ABCC4: variants seen among roughly 807,000 people sequenced by gnomAD.
ABCC4 encodes ATP binding cassette subfamily C member 4 (PEL blood group).
A neutral mutation model predicts 168.5 loss-of-function variants in ABCC4; 102 were observed. The ratio of observed to expected loss-of-function variants is 0.61; its 90% CI spans 0.52 to 0.71. ABCC4 has a LOEUF of 0.71. Ranked by LOEUF, ABCC4 falls within the 30% of genes least tolerant of loss-of-function variation. The pLI, the probability that ABCC4 is intolerant of heterozygous loss-of-function variation, is 0.00. For synonymous variants in ABCC4, 617 were observed against 590.7 expected, an observed-to-expected ratio of 1.04 and a Z score of -0.65; for missense variants, 1,402 against 1,605.8, an observed-to-expected ratio of 0.87 and a Z score of 2.17.
chr13:95,033,427 C>T (rs1021143066), intron 30 of ABCC4, among the ~76,000 whole-genome samples: 1 of 152,174 alleles, frequency 6.6e-6, no homozygotes, highest in Non-Finnish European at 1.5e-5. Flanking sequence ...ATACAACTCT[C>T]ACCTCACAGA....
At position 95,301,232 on chromosome 13, in the gene ABCC4, G is replaced by T; in HGVS notation, c.74+9C>A. 6.3e-7 allele frequency: 1 copy of T among 1,582,102 alleles called. No homozygotes were observed. Among genetic ancestry groups the T allele is most frequent in the Non-Finnish European group, 8.6e-7 (1 of 1,165,336 alleles). ...TGCAGGGTGACCTGTTTCGGGCGGGGACACTCACCAGAAGAACACGCGTGA... is the reference window on the plus strand; with the variant it reads ...TGCAGGGTGACCTGTTTCGGGCGGGTACACTCACCAGAAGAACACGCGTGA... On this transcript the variant is annotated intron_variant, in intron 1 of 30. Transcript: ENST00000645237.
chr13:95,188,474 G>A lies in ABCC4; in HGVS notation c.1332C>T (p.Val444=), dbSNP rs371587601. The part of the protein sequence containing the change: ...TVRPGELLAV[V]GPVGAGKSSL... ...TCACCTTCCCTGCTCCCACGGGGCC[G>A]ACCACAGCTAACAATTCGCCAGGTC... The change falls in exon 10 of 31, where the codon GTC becomes GTT. Residue 444 remains valine (V), a synonymous_variant. Coordinates refer to ENST00000645237, the MANE Select transcript of ABCC4 (RefSeq NM_005845.5). 5.9e-5 allele frequency: 95 copies of A among 1,613,952 alleles called. No homozygotes were observed. The highest frequency in any genetic ancestry group is 7.8e-5 in the Non-Finnish European group (92 of 1,180,000).
At chr13:95,043,632 A>G in intron 29 of ABCC4, 50 bp downstream of exon 29, 1 of 1,463,456 alleles carries the variant, frequency 6.8e-7, no homozygotes, top group Non-Finnish European at 9.5e-7. Context: ...ATAAACTGAA[A>G]AAGTGAACAT....
chr13:95,110,893 G>A (rs1467663630), intron 20 of ABCC4, among the ~76,000 whole-genome samples: 3 of 151,302 alleles, frequency 2.0e-5, no homozygotes, highest in Non-Finnish European at 2.9e-5. Context: ...GCTTGAGCCC[G>A]GGAGGTGGAG....
chr13:95,147,813 C>A (rs2036548526), intron 19 of ABCC4, among the ~76,000 whole-genome samples: 1 of 152,178 alleles, frequency 6.6e-6, no homozygotes, highest in African/African-American at 2.4e-5. Context: ...CTGTACTCAA[C>A]TTCAGCTGTA....
intron 3 of ABCC4, among the ~76,000 whole-genome samples, chr13:95,240,126 A>T (rs1474821174): frequency 6.6e-6 from 1 of 152,222 alleles, no homozygotes; most frequent in Non-Finnish European, 1.5e-5. Context: ...CCAGATGGAC[A>T]TGTTAAATGA....
chr13:95,116,398 CA>C (rs1436488329), intron 19 of ABCC4, among the ~76,000 whole-genome samples: 1 of 152,122 alleles, frequency 6.6e-6, no homozygotes. Flanking sequence ...TTTGCTTTAT[CA>C]GAATTTCTTT....
rs1290124348 is a variant in ABCC4, at chr13:95,207,894, T to C, written c.817A>G (p.Ile273Val). The C allele has an allele frequency of 1.2e-6, 2 of 1,613,800 alleles. No individual in the cohort carries two copies. Among genetic ancestry groups the C allele is most frequent in the Non-Finnish European group, 1.7e-6 (2 of 1,179,970 alleles). ...GTTATAACTTCATTCATGGTCCTGA[T>C]CCTGGCATCCGTGAAAGTTGCAGTT... ...SKTATFTDAR[I>V]RTMNEVITGI... Residue 273 changes from isoleucine to valine, a missense_variant, in exon 7 of 31, where the codon ATC (isoleucine) becomes GTC (valine). This residue lies in a region of ABCC4 where 317 missense variants were observed against 345.5 expected (regional missense o/e 0.92). Transcript: ENST00000645237.
intron 19 of ABCC4, among the ~76,000 whole-genome samples, chr13:95,143,350 A>G (rs1038977474): frequency 3.9e-5 from 6 of 152,224 alleles, no homozygotes; most frequent in Non-Finnish European, 7.3e-5. Flanking sequence ...AACAATGATG[A>G]GTCCTATTAA....
intron 25 of ABCC4, among the ~76,000 whole-genome samples, chr13:95,064,873 T>A (rs1011358089): frequency 1.1e-4 from 16 of 152,214 alleles, no homozygotes; most frequent in African/African-American, 3.9e-4. Context: ...CCAATGGGTT[T>A]CACCAAATCC....
At chr13:95,129,800 C>T (rs1194823441) in intron 19 of ABCC4, among the ~76,000 whole-genome samples, 1 of 152,046 alleles carries the variant, frequency 6.6e-6, no homozygotes, top group Admixed American at 6.6e-5. Context: ...ACAGGCCAGG[C>T]GCAGTGGCTC....
At chr13:95,070,934 C>A (rs1185769072) in intron 25 of ABCC4, among the ~76,000 whole-genome samples, 1 of 152,182 alleles carries the variant, frequency 6.6e-6, no homozygotes, top group Non-Finnish European at 1.5e-5. Context: ...CCACCCAAAT[C>A]TCATCTTAAA....
In ABCC4 at chr13:95,129,117, T is replaced by C. The variant is rs138756922; in HGVS notation, c.2456-13116A>G. 6.9e-4 allele frequency among the ~76,000 whole-genome samples: 105 copies of C among 152,326 alleles called. 1 individual carries two copies. In the East Asian group the frequency reaches 0.019, roughly 28 times the overall value. On this transcript the variant is annotated intron_variant, in intron 19 of 30. Transcript: ENST00000645237. Reference sequence around the variant, plus strand: ...ACGAAGTTGGCTGAAAATGGGTTCTTTGGGGTTAGCTTGCAGATGCTGTTG... The same window carrying C: ...ACGAAGTTGGCTGAAAATGGGTTCTCTGGGGTTAGCTTGCAGATGCTGTTG...
intron 19 of ABCC4, among the ~76,000 whole-genome samples, chr13:95,155,520 T>C (rs1348039333): frequency 6.6e-6 from 1 of 152,228 alleles, no homozygotes; most frequent in Non-Finnish European, 1.5e-5. Context: ...TGTTTCTTTT[T>C]TCTTTTATCT....
At chr13:95,280,462 T>C (rs1032086839) in intron 1 of ABCC4, among the ~76,000 whole-genome samples, 4 of 149,616 alleles carry the variant, frequency 2.7e-5, no homozygotes, top group Non-Finnish European at 5.9e-5. Flanking sequence ...GGGTCATCTA[T>C]GGTTTGCCAA....
intron 19 of ABCC4, 75 bp downstream of exon 19, chr13:95,161,114 A>G: frequency 1.7e-6 from 2 of 1,185,090 alleles, no homozygotes; most frequent in South Asian, 2.9e-5. Context: ...CCATTTTCAA[A>G]GATGGAAATG....
chr13:95,228,235 C>T (rs1285095867), intron 4 of ABCC4, among the ~76,000 whole-genome samples: 1 of 152,238 alleles, frequency 6.6e-6, no homozygotes, highest in South Asian at 2.1e-4. Context: ...AGCCAGAGAG[C>T]TACAGGTGGC....
intron 1 of ABCC4, among the ~76,000 whole-genome samples, chr13:95,270,938 A>C (rs1322615701): frequency 9.8e-5 from 15 of 152,290 alleles, no homozygotes; most frequent in Admixed American, 3.3e-4. Context: ...TACTAAAAAT[A>C]CAAAAAATTA....
intron 30 of ABCC4, among the ~76,000 whole-genome samples, chr13:95,028,440 C>T (rs552455233): frequency 2.6e-5 from 4 of 151,996 alleles, no homozygotes; most frequent in African/African-American, 9.6e-5. Flanking sequence ...ATGCGTAAAA[C>T]AGAAAAGAAA....
Sources: gnomAD v4.1 joint callset for allele counts (sites outside exome capture counted in the v4.1 genomes callset) on GRCh38, gnomAD v4.1.1 for gene constraint, gnomAD v4.1.1 regional missense constraint, MANE v1.5 for transcripts, NCBI Gene and HGNC (gene_info 2026-07-23, HGNC 2026-07-21) for gene names.